CSMD3: variants seen among roughly 807,000 people sequenced by gnomAD.
CSMD3 encodes CUB and Sushi multiple domains 3.
In CSMD3, 177 loss-of-function variants were observed where a neutral mutation model predicts 435.2. That is an observed-to-expected ratio of 0.41 (90% CI 0.36 to 0.46). The LOEUF (loss-of-function observed/expected upper bound fraction) is 0.46, where lower values mean the gene tolerates loss of function less well. Ranked by LOEUF, CSMD3 falls within the 20% of genes least tolerant of loss-of-function variation. CSMD3 has a pLI of 0.34. For missense variants in CSMD3, 4,265 were observed against 4,504.6 expected (o/e 0.95, Z 1.52); for synonymous variants, 1,656 against 1,520.5 (o/e 1.09, Z -2.07).
intron 13 of CSMD3, among the ~76,000 whole-genome samples, chr8:112,755,514 C>A (rs1193606148): frequency 6.6e-6 from 1 of 151,266 alleles, no homozygotes; most frequent in African/African-American, 2.4e-5. Context: ...GCTTCCCCTT[C>A]GGCCATGATG....
At chr8:112,244,372 A>C (rs778678673) in intron 65 of CSMD3, 22 bp downstream of exon 65, 8 of 1,597,068 alleles carry the variant, frequency 5.0e-6, no homozygotes, top group Non-Finnish European at 6.9e-6. Flanking sequence ...TGTGTTAAAA[A>C]GATTCTATAG....
chr8:113,359,246 T>C (rs185179579), intron 1 of CSMD3, among the ~76,000 whole-genome samples: 11 of 152,308 alleles, frequency 7.2e-5, no homozygotes, highest in African/African-American at 1.9e-4. Context: ...CTTTATTTAA[T>C]TGGAAAACAA....
At chr8:113,064,018 C>T (rs1212098044) in intron 5 of CSMD3, among the ~76,000 whole-genome samples, 1 of 151,088 alleles carries the variant, frequency 6.6e-6, no homozygotes, top group African/African-American at 2.4e-5. Context: ...AATAATAGTC[C>T]TTTAATAATA....
intron 1 of CSMD3, among the ~76,000 whole-genome samples, chr8:113,361,187 T>C (rs1453206301): frequency 4.6e-5 from 7 of 152,106 alleles, no homozygotes; most frequent in East Asian, 1.9e-4. Flanking sequence ...CTCCCCCTAA[T>C]AGTTAATGTA....
intron 32 of CSMD3, among the ~76,000 whole-genome samples, chr8:112,460,171 G>A (rs1292569128): frequency 6.6e-6 from 1 of 152,012 alleles, no homozygotes; most frequent in Non-Finnish European, 1.5e-5. Context: ...CTAGAGGGCA[G>A]GAACCATTGT....
chr8:112,413,603 G>T (rs1206869103), intron 32 of CSMD3, among the ~76,000 whole-genome samples: 1 of 152,178 alleles, frequency 6.6e-6, no homozygotes. Flanking sequence ...AAGCATCACT[G>T]TGGAAACAGT....
At chr8:113,180,866 A>T (rs569998876) in intron 3 of CSMD3, among the ~76,000 whole-genome samples, 1 of 152,068 alleles carries the variant, frequency 6.6e-6, no homozygotes, top group African/African-American at 2.4e-5. Context: ...CCTTTCCATA[A>T]GCATAATTTC....
chr8:112,370,064 A>T (rs1828218674), intron 38 of CSMD3, among the ~76,000 whole-genome samples: 1 of 150,714 alleles, frequency 6.6e-6, no homozygotes, highest in Non-Finnish European at 1.5e-5. Flanking sequence ...GAAGAAGAAG[A>T]AGAAGAAGAA....
At chr8:113,076,135 T>C (rs1001649061) in intron 5 of CSMD3, among the ~76,000 whole-genome samples, 5 of 151,506 alleles carry the variant, frequency 3.3e-5, no homozygotes, top group Admixed American at 1.3e-4. Context: ...ATTTGTGATA[T>C]GGAAATAAGA....
At chr8:113,389,673 G>A (rs977646574) in intron 1 of CSMD3, among the ~76,000 whole-genome samples, 10 of 151,666 alleles carry the variant, frequency 6.6e-5, no homozygotes, top group African/African-American at 2.4e-4. Context: ...TTTAAATTCA[G>A]GCTGATTCAC....
intron 32 of CSMD3, among the ~76,000 whole-genome samples, chr8:112,446,740 G>C (rs1317948538): frequency 6.6e-6 from 1 of 152,088 alleles, no homozygotes; most frequent in Non-Finnish European, 1.5e-5. Flanking sequence ...CTTCAATATA[G>C]TTTGCTTTCA....
chr8:112,740,189 T>C (rs1481145861), intron 13 of CSMD3, among the ~76,000 whole-genome samples: 1 of 151,714 alleles, frequency 6.6e-6, no homozygotes, highest in Non-Finnish European at 1.5e-5. Context: ...CACAAAAATA[T>C]AAAAAAAATT....
intron 12 of CSMD3, among the ~76,000 whole-genome samples, chr8:112,812,752 A>G (rs532695354): frequency 3.9e-5 from 6 of 152,284 alleles, no homozygotes; most frequent in Non-Finnish European, 7.4e-5. Context: ...CTTCTTTAAT[A>G]CATGTTTATT....
intron 3 of CSMD3, among the ~76,000 whole-genome samples, chr8:113,197,488 T>C (rs1009912414): frequency 1.3e-4 from 20 of 151,212 alleles, no homozygotes; most frequent in African/African-American, 4.8e-4. Flanking sequence ...TTAAGCCATG[T>C]TAAAAAGTTA....
intron 12 of CSMD3, among the ~76,000 whole-genome samples, chr8:112,816,477 T>C (rs2079378656): frequency 6.6e-6 from 1 of 152,148 alleles, no homozygotes; most frequent in Non-Finnish European, 1.5e-5. Flanking sequence ...AAATATCACC[T>C]TTCGCCATAT....
chr8:113,200,809 A>C (rs2132029784), intron 3 of CSMD3, among the ~76,000 whole-genome samples: 1 of 151,678 alleles, frequency 6.6e-6, no homozygotes, highest in East Asian at 2.0e-4. Flanking sequence ...GTTTATGCAA[A>C]ATAATTACTG....
intron 13 of CSMD3, among the ~76,000 whole-genome samples, chr8:112,769,136 C>T (rs1289664956): frequency 6.6e-6 from 1 of 151,982 alleles, no homozygotes; most frequent in Non-Finnish European, 1.5e-5. Flanking sequence ...AATGATCTCT[C>T]ACCTAGATTC....
At chr8:112,787,277 T>C (rs2078569161) in intron 13 of CSMD3, among the ~76,000 whole-genome samples, 1 of 152,134 alleles carries the variant, frequency 6.6e-6, no homozygotes, top group Admixed American at 6.6e-5. Context: ...TCAAATGATA[T>C]AAAAATGAAT....
intron 5 of CSMD3, among the ~76,000 whole-genome samples, chr8:113,089,244 C>A (rs1479369837): frequency 6.6e-6 from 1 of 152,070 alleles, no homozygotes; most frequent in African/African-American, 2.4e-5. Flanking sequence ...GTATTATTTG[C>A]AGATAATGTT....
Sources: allele counts gnomAD v4.1 joint callset (sites outside exome capture counted in the v4.1 genomes callset), GRCh38; gene constraint gnomAD v4.1.1; transcripts MANE v1.5; gene names NCBI Gene and HGNC (gene_info 2026-07-23, HGNC 2026-07-21).